Variants in AK9 observed in about 807,000 individuals in gnomAD.
AK9 encodes the protein adenylate kinase domain containing 1.
In AK9, 191 loss-of-function variants were observed where a neutral mutation model predicts 239.6. The observed-to-expected ratio is 0.80, with a 90% CI of 0.71 to 0.90. AK9 has a LOEUF of 0.90. Among genes scored for constraint, AK9 ranks in the 40% least tolerant of loss-of-function variants. AK9 has a pLI of 0.00. For missense variants in AK9, 1,995 were observed against 2,214.7 expected (o/e 0.90, Z 1.99); for synonymous variants, 689 against 721.0 (o/e 0.96, Z 0.71).
intron 21 of AK9, among the ~76,000 whole-genome samples, chr6:109,570,363 GCACATGTATA>G (rs1331777303): frequency 6.6e-6 from 1 of 151,938 alleles, no homozygotes; most frequent in African/African-American, 2.4e-5. Flanking sequence ...CACCAACATG[GCACATGTATA>G]CACATGTAAC....
chr6:109,549,445 C>T (rs1365522645), intron 25 of AK9, among the ~76,000 whole-genome samples: 1 of 152,166 alleles, frequency 6.6e-6, no homozygotes, highest in African/African-American at 2.4e-5. Context: ...CATCATCCTG[C>T]TCTGCTCTGA....
At chr6:109,551,070 A>G (rs1447140000) in intron 24 of AK9, among the ~76,000 whole-genome samples, 1 of 152,202 alleles carries the variant, frequency 6.6e-6, no homozygotes, top group Non-Finnish European at 1.5e-5. Flanking sequence ...TTAGGCACAT[A>G]TATAGTATTT....
At chr6:109,562,861 G>A (rs887487569) in intron 24 of AK9, among the ~76,000 whole-genome samples, 1 of 152,078 alleles carries the variant, frequency 6.6e-6, no homozygotes, top group Admixed American at 6.6e-5. Context: ...TGGTGCACCA[G>A]AGTGGGACAC....
At chr6:109,620,227 C>G (rs777699759) in intron 12 of AK9, among the ~76,000 whole-genome samples, 18 of 151,932 alleles carry the variant, frequency 1.2e-4, no homozygotes, top group Non-Finnish European at 2.5e-4. Context: ...TTATAATAAA[C>G]CATCAAACTG....
Position 109,675,763 on chromosome 6 carries a change from TA to T in AK9, c.-11-8del, listed in dbSNP as rs1562598493. ...GAAGTCATGACACAAAATACTACAATAAAAAAGGGTAAGATTGTTAACTTGT... is the reference window on the plus strand; with the variant it reads ...GAAGTCATGACACAAAATACTACAATAAAAAGGGTAAGATTGTTAACTTGT... On this transcript the variant is annotated splice_region_variant and splice_polypyrimidine_tract_variant and intron_variant, in intron 1 of 40. Coordinates refer to ENST00000424296, the MANE Select transcript of AK9 (RefSeq NM_001145128.3). 3.4e-6 allele frequency: 5 copies of T among 1,460,316 alleles called. No individual in the cohort carries two copies. The highest frequency in any genetic ancestry group is 2.4e-5 in the East Asian group (1 of 41,826). 90.5% of individuals were successfully genotyped at this position (1,460,316 alleles called of 1,614,324 possible).
At chr6:109,498,072 T>A in intron 36 of AK9, 107 bp from the exon 37 acceptor site, 16 of 1,042,568 alleles carry the variant, frequency 1.5e-5, no homozygotes, top group Non-Finnish European at 2.0e-5. Flanking sequence ...AGTAGCAGCG[T>A]TCTGCTGCTC....
At chr6:109,631,923 C>T (rs901297660) in intron 12 of AK9, 2 of 153,628 alleles carry the variant, frequency 1.3e-5, no homozygotes, top group African/African-American at 2.4e-5. Flanking sequence ...CCATGCAAAA[C>T]TAGCCTATGG....
chr6:109,666,595 G>A (rs1183860518), intron 5 of AK9, among the ~76,000 whole-genome samples: 2 of 152,182 alleles, frequency 1.3e-5, no homozygotes, highest in African/African-American at 4.8e-5. Flanking sequence ...CCAGACCACT[G>A]CCCAGAGGAA....
At chr6:109,563,008 G>C (rs1785980913) in intron 24 of AK9, among the ~76,000 whole-genome samples, 1 of 152,170 alleles carries the variant, frequency 6.6e-6, no homozygotes. Context: ...ACTAAAAGCT[G>C]TTATCAGAAT....
intron 16 of AK9, among the ~76,000 whole-genome samples, chr6:109,611,061 T>C (rs750386944): frequency 2.6e-5 from 4 of 152,126 alleles, no homozygotes; most frequent in Non-Finnish European, 5.9e-5. Flanking sequence ...ATGATGTAAA[T>C]GTTTGTTCAT....
intron 12 of AK9, among the ~76,000 whole-genome samples, chr6:109,627,010 A>G (rs1165121427): frequency 6.6e-6 from 1 of 152,080 alleles, no homozygotes; most frequent in Admixed American, 6.5e-5. Flanking sequence ...AAACTTCTAA[A>G]ATTTCTAAAC....
chr6:109,609,169 C>T (rs191298655), intron 17 of AK9, among the ~76,000 whole-genome samples: 1 of 152,102 alleles, frequency 6.6e-6, no homozygotes, highest in Non-Finnish European at 1.5e-5. Flanking sequence ...GATTTATATG[C>T]TCCAGAATAA....
At chr6:109,630,747 G>A (rs1056929236) in intron 12 of AK9, among the ~76,000 whole-genome samples, 2 of 151,954 alleles carry the variant, frequency 1.3e-5, no homozygotes, top group African/African-American at 4.8e-5. Flanking sequence ...CAGGAGGCTG[G>A]GGTGGGAGGA....
At chr6:109,689,555 G>A (rs186355744) in intron 1 of AK9, among the ~76,000 whole-genome samples, 1 of 152,264 alleles carries the variant, frequency 6.6e-6, no homozygotes, top group East Asian at 1.9e-4. Flanking sequence ...CAGCTTCCTT[G>A]CCCCTCAAGA....
chr6:109,632,773 A>G (rs1263668218), intron 12 of AK9, 150 bp downstream of exon 12: 3 of 1,362,888 alleles, frequency 2.2e-6, no homozygotes, highest in Non-Finnish European at 2.8e-6. Context: ...CCAGTGGAAC[A>G]ATTATTCAAT....
At chr6:109,520,612 T>C (rs768248950) in intron 29 of AK9, among the ~76,000 whole-genome samples, 2 of 152,160 alleles carry the variant, frequency 1.3e-5, no homozygotes, top group Admixed American at 6.6e-5. Flanking sequence ...TTTGGTTCCA[T>C]ATGAATTTTA....
intron 21 of AK9, among the ~76,000 whole-genome samples, chr6:109,566,902 C>G (rs1343517586): frequency 6.6e-6 from 1 of 152,096 alleles, no homozygotes; most frequent in South Asian, 2.1e-4. Flanking sequence ...ACACAACATA[C>G]CAGAATCTCT....
At position 109,659,419 on chromosome 6, in the gene AK9, AAAC is replaced by A. The variant is rs749233421; in HGVS notation, c.445-9_445-7del. 2.5e-6 allele frequency: 4 copies of A among 1,587,986 alleles called. No individual in the cohort carries two copies. Among genetic ancestry groups the A allele is most frequent in the Admixed American group, 1.8e-5 (1 of 56,364 alleles). On this transcript the variant is annotated splice_region_variant and splice_polypyrimidine_tract_variant and intron_variant, in intron 6 of 40. Coordinates refer to ENST00000424296, the MANE Select transcript of AK9 (RefSeq NM_001145128.3). ...CACAAATCATAGTCAGGACACTAAG[AAAC>A]AACATTATTAAATCACTTAAAACAT...
At chr6:109,660,630 A>G (rs932553833) in intron 6 of AK9, among the ~76,000 whole-genome samples, 8 of 152,204 alleles carry the variant, frequency 5.3e-5, no homozygotes, top group Admixed American at 6.5e-5. Flanking sequence ...TTTACAACCC[A>G]GGATACCCAC....
Sources: allele counts gnomAD v4.1 joint callset (sites outside exome capture counted in the v4.1 genomes callset), GRCh38; gene constraint gnomAD v4.1.1; transcripts MANE v1.5; gene names NCBI Gene and HGNC (gene_info 2026-07-23, HGNC 2026-07-21).